The following PRKN variants were observed in gnomAD, a reference collection of about 807,000 sequenced individuals.
PRKN encodes the protein parkin RBR E3 ubiquitin protein ligase.
In PRKN, 56 loss-of-function variants were observed where a neutral mutation model predicts 59.5. The observed-to-expected ratio is 0.94, with a 90% CI of 0.76 to 1.18. PRKN has a LOEUF of 1.18. Among genes scored for constraint, PRKN ranks in the 50% most tolerant of loss-of-function variants. The pLI, the probability that PRKN is intolerant of heterozygous loss-of-function variation, is 0.00. For missense variants in PRKN, 657 were observed against 596.4 expected (o/e 1.10, Z -1.06); for synonymous variants, 250 against 222.1 (o/e 1.13, Z -1.12).
rs75895887 is a variant in PRKN, at chr6:162,533,681, T to C, written c.8-90208A>G. 1.2e-4 allele frequency among the ~76,000 whole-genome samples: 18 copies of C among 152,014 alleles called. No homozygotes were observed. In the East Asian group the frequency reaches 2.9e-3, roughly 25 times the overall value. On this transcript the variant is annotated intron_variant, in intron 1 of 11. Coordinates refer to ENST00000366898, the MANE Select transcript of PRKN (RefSeq NM_004562.3). ...TTGTCTGAGCATGTATTTTCTATCT[T>C]ATAAAAAGAGATATATGCCGAGCAC...
intron 1 of PRKN, among the ~76,000 whole-genome samples, chr6:162,658,687 A>G (rs1778759479): frequency 1.4e-5 from 2 of 140,336 alleles, no homozygotes; most frequent in Admixed American, 1.4e-4. Flanking sequence ...AAAAAAAAGA[A>G]AAAAGAAAAA....
chr6:162,714,595 G>T (rs1470076951), intron 1 of PRKN, among the ~76,000 whole-genome samples: 1 of 152,048 alleles, frequency 6.6e-6, no homozygotes, highest in East Asian at 1.9e-4. Flanking sequence ...GAAATGATTG[G>T]ATCAAGAAAA....
chr6:162,488,893 A>G (rs796332813), intron 1 of PRKN, among the ~76,000 whole-genome samples: 52 of 152,294 alleles, frequency 3.4e-4, no homozygotes, highest in African/African-American at 1.2e-3. Flanking sequence ...ATAATCATGC[A>G]AACTGAAATT....
In PRKN at chr6:161,460,858, T is replaced by C. The variant is rs765836179; in HGVS notation, c.1084-73981A>G. Among the ~76,000 whole-genome samples the C allele has an allele frequency of 1.3e-5, 2 of 151,456 alleles. No homozygotes were observed. The highest frequency in any genetic ancestry group is 2.9e-5 in the Non-Finnish European group (2 of 67,912). On this transcript the variant is annotated intron_variant, in intron 9 of 11. Transcript: ENST00000366898. This position sits in a 1 kb window ranked among gnomAD's most constrained non-coding sequence, Gnocchi z 5.0. ...TCAGACTCCCTGGTTCAAGCAATTC[T>C]CCTGCCTCGGCCTCCCAAGTAGCTG...
At chr6:161,728,025 C>T (rs908562254) in intron 7 of PRKN, among the ~76,000 whole-genome samples, 27 of 152,250 alleles carry the variant, frequency 1.8e-4, no homozygotes, top group Middle Eastern at 3.4e-3. Flanking sequence ...AGATGCCCGT[C>T]ATCACCCATT....
At chr6:162,470,438 C>T (rs1791671581) in intron 1 of PRKN, among the ~76,000 whole-genome samples, 1 of 152,086 alleles carries the variant, frequency 6.6e-6, no homozygotes, top group Middle Eastern at 3.4e-3. Flanking sequence ...ACCCCGCCTC[C>T]ACTACTAGTA....
chr6:161,939,057 G>A (rs933705917), intron 6 of PRKN, among the ~76,000 whole-genome samples: 2 of 152,106 alleles, frequency 1.3e-5, no homozygotes, highest in Admixed American at 6.6e-5. Flanking sequence ...GATTGTTCTT[G>A]ATTTTGAAAA....
At chr6:162,718,069 A>G (rs1778795755) in intron 1 of PRKN, among the ~76,000 whole-genome samples, 1 of 152,240 alleles carries the variant, frequency 6.6e-6, no homozygotes, top group Non-Finnish European at 1.5e-5. Context: ...AATGCTATCT[A>G]GTTTCCAGTT....
chr6:161,432,532 ATTT>A (rs767620173), intron 9 of PRKN, among the ~76,000 whole-genome samples: 3 of 125,492 alleles, frequency 2.4e-5, no homozygotes, highest in Non-Finnish European at 3.3e-5. Context: ...TGCCCAGCTA[ATTT>A]TTTTTTTTTT....
At chr6:161,857,825 C>T (rs13202399) in intron 6 of PRKN, among the ~76,000 whole-genome samples, 4 of 152,158 alleles carry the variant, frequency 2.6e-5, no homozygotes, top group African/African-American at 7.2e-5. Context: ...GAGTTTACTG[C>T]TAAGGTGTGA....
At chr6:161,861,539 C>T (rs1010186819) in intron 6 of PRKN, among the ~76,000 whole-genome samples, 1 of 151,264 alleles carries the variant, frequency 6.6e-6, no homozygotes, top group African/African-American at 2.4e-5. Context: ...AAATGTATAC[C>T]TATGTAACAA....
intron 7 of PRKN, among the ~76,000 whole-genome samples, chr6:161,706,673 T>C (rs1242234791): frequency 6.6e-6 from 1 of 152,156 alleles, no homozygotes; most frequent in Non-Finnish European, 1.5e-5. Context: ...TTCTCCTGTC[T>C]CAGCCTCCTG....
rs2115092089 is a variant in PRKN, at chr6:161,442,346, A to G, written c.1084-55469T>C. 6.6e-6 allele frequency among the ~76,000 whole-genome samples: 1 copy of G among 152,358 alleles called. No individual in the cohort carries two copies. Among genetic ancestry groups the G allele is most frequent in the South Asian group, 2.1e-4 (1 of 4,824 alleles). ...ATTAGCACAAAAAATACACCATGAAATGAGTTTAAAGTCCTTAATCTTGAA... is the reference window on the plus strand; with the variant it reads ...ATTAGCACAAAAAATACACCATGAAGTGAGTTTAAAGTCCTTAATCTTGAA... On this transcript the variant is annotated intron_variant, in intron 9 of 11. Transcript: ENST00000366898. The surrounding 1 kb of genome is among the most constrained non-coding windows in gnomAD (Gnocchi z 4.6).
intron 2 of PRKN, among the ~76,000 whole-genome samples, chr6:162,298,025 A>C (rs2128111962): frequency 6.6e-6 from 1 of 152,298 alleles, no homozygotes; most frequent in South Asian, 2.1e-4. Flanking sequence ...CTACACATCC[A>C]TCCATCTTCC....
At chr6:162,078,024 T>A (rs1026648773) in intron 4 of PRKN, among the ~76,000 whole-genome samples, 3 of 149,436 alleles carry the variant, frequency 2.0e-5, no homozygotes, top group Non-Finnish European at 3.0e-5. Flanking sequence ...AAAAAAAAAA[T>A]TATTTTTTAT....
At chr6:162,520,332 T>A (rs1035501878) in intron 1 of PRKN, among the ~76,000 whole-genome samples, 3 of 152,228 alleles carry the variant, frequency 2.0e-5, no homozygotes, top group African/African-American at 7.2e-5. Flanking sequence ...GTAGCACTTA[T>A]AATGAACTCT....
At chr6:162,612,187 C>T (rs1481316474) in intron 1 of PRKN, among the ~76,000 whole-genome samples, 12 of 66,022 alleles carry the variant, frequency 1.8e-4, no homozygotes. Context: ...AGTGAGACTC[C>T]ATCTCAAAAA....
At chr6:162,720,694 C>A (rs548419217) in intron 1 of PRKN, among the ~76,000 whole-genome samples, 1 of 152,094 alleles carries the variant, frequency 6.6e-6, no homozygotes, top group African/African-American at 2.4e-5. Context: ...TCATGATCCA[C>A]CCGCCTCGGC....
chr6:161,420,033 T>G (rs9458244), intron 9 of PRKN, among the ~76,000 whole-genome samples: 56,181 of 151,584 alleles, frequency 0.37, 12,102 homozygotes, highest in Non-Finnish European at 0.5. Flanking sequence ...GGTCAAGAGA[T>G]CAAGACCATC....
Sources: gnomAD v4.1 joint callset for allele counts (sites outside exome capture counted in the v4.1 genomes callset) on GRCh38, gnomAD v4.1.1 for gene constraint, Gnocchi (gnomAD v3.1) non-coding constraint, MANE v1.5 for transcripts, NCBI Gene and HGNC (gene_info 2026-07-23, HGNC 2026-07-21) for gene names.